Variants in AHI1 observed in about 807,000 individuals in gnomAD.
AHI1 encodes the protein Abelson helper integration site 1, also known as jouberin.
Under a neutral mutation model 149.3 loss-of-function variants are expected in AHI1, and 123 were observed. That is an observed-to-expected ratio of 0.82 (90% confidence interval 0.71 to 0.96). The LOEUF is 0.96. AHI1 is among the 40% of genes least tolerant of loss of function. The probability of loss-of-function intolerance (pLI) is 0.00; values close to 1 mark genes in which losing one functional copy is unlikely to be tolerated. For synonymous variants in AHI1, 475 were observed against 459.8 expected, an observed-to-expected ratio of 1.03 and a Z score of -0.42; for missense variants, 1,439 against 1,422.7, an observed-to-expected ratio of 1.01 and a Z score of -0.18.
chr6:135,285,675 TA>T, intron 28 of AHI1, 28 bp from the exon 29 acceptor site: 3 of 1,579,660 alleles, frequency 1.9e-6, no homozygotes, highest in Non-Finnish European at 2.6e-6. Flanking sequence ...CAAAATGTAC[TA>T]AATAAACTTG....
At chr6:135,469,676 T>C (rs1350195800) in intron 5 of AHI1, among the ~76,000 whole-genome samples, 1 of 152,012 alleles carries the variant, frequency 6.6e-6, no homozygotes, top group East Asian at 1.9e-4. Context: ...ACATCAACCA[T>C]CCTGTATTTG....
chr6:135,443,729 T>C (rs1786697750), intron 13 of AHI1, among the ~76,000 whole-genome samples: 1 of 152,130 alleles, frequency 6.6e-6, no homozygotes, highest in Admixed American at 6.5e-5. Context: ...ATGTGAAAAA[T>C]TCAAAAGAAT....
At chr6:135,315,865 C>A (rs567607761) in intron 26 of AHI1, among the ~76,000 whole-genome samples, 4 of 152,136 alleles carry the variant, frequency 2.6e-5, no homozygotes, top group Admixed American at 6.5e-5. Context: ...AGACTTCAAC[C>A]CTTTATTAAC....
Position 135,398,351 on chromosome 6 carries a change from G to T in AHI1, c.2989-3455C>A, listed in dbSNP as rs987360434. Among the ~76,000 whole-genome samples, 4 of 151,950 alleles carry T rather than the reference G, an allele frequency of 2.6e-5. No homozygotes were observed. In the East Asian group the frequency reaches 7.7e-4, roughly 29 times the overall value. On this transcript the variant is annotated intron_variant, in intron 22 of 28. Coordinates refer to ENST00000265602, the MANE Select transcript of AHI1 (RefSeq NM_001134831.2). The stretch of plus-strand genomic sequence containing the variant: ...TACAAGCCAGGACAGAGAAGTGAAG[G>T]ATTTGGAAGACAACACTGTAACTGT...
intron 23 of AHI1, 31 bp from the exon 24 acceptor site, chr6:135,358,218 T>C: frequency 6.4e-7 from 1 of 1,571,754 alleles, no homozygotes; most frequent in Non-Finnish European, 8.7e-7. Flanking sequence ...GAGTATTTGG[T>C]TATTAAGCCT....
At chr6:135,324,183 T>C (rs916894566) in intron 24 of AHI1, among the ~76,000 whole-genome samples, 4 of 152,058 alleles carry the variant, frequency 2.6e-5, no homozygotes, top group African/African-American at 4.8e-5. Context: ...AAAAAATTAG[T>C]TGGCTGTGGT....
At chr6:135,292,630 A>C (rs1562442981) in intron 27 of AHI1, among the ~76,000 whole-genome samples, 1 of 152,226 alleles carries the variant, frequency 6.6e-6, no homozygotes, top group Non-Finnish European at 1.5e-5. Flanking sequence ...GGCCCGGAAC[A>C]GTGTTTATTC....
intron 11 of AHI1, among the ~76,000 whole-genome samples, chr6:135,450,839 T>C (rs1337433123): frequency 6.6e-6 from 1 of 152,162 alleles, no homozygotes; most frequent in Non-Finnish European, 1.5e-5. Context: ...GCCACATATA[T>C]GTACTAAAAG....
chr6:135,315,863 AC>A (rs1410142078), intron 26 of AHI1, among the ~76,000 whole-genome samples: 1 of 152,086 alleles, frequency 6.6e-6, no homozygotes, highest in Non-Finnish European at 1.5e-5. Flanking sequence ...CTAGACTTCA[AC>A]CCTTTATTAA....
chr6:135,462,072 G>A (rs1345677037), intron 8 of AHI1, among the ~76,000 whole-genome samples: 1 of 151,700 alleles, frequency 6.6e-6, no homozygotes, highest in Non-Finnish European at 1.5e-5. Flanking sequence ...TATATATATA[G>A]AAACACATAA....
intron 24 of AHI1, among the ~76,000 whole-genome samples, chr6:135,327,049 G>T (rs145358909): frequency 6.6e-6 from 1 of 152,242 alleles, no homozygotes; most frequent in East Asian, 1.9e-4. Context: ...TTCCCATACA[G>T]GTTGCTGCAA....
chr6:135,366,095 T>C (rs759758622), intron 23 of AHI1, among the ~76,000 whole-genome samples: 6 of 152,276 alleles, frequency 3.9e-5, no homozygotes, highest in African/African-American at 7.2e-5. Flanking sequence ...GTTTAAGTTG[T>C]GTATCACACT....
intron 24 of AHI1, among the ~76,000 whole-genome samples, chr6:135,349,518 C>T (rs969898595): frequency 1.3e-5 from 2 of 152,142 alleles, no homozygotes; most frequent in African/African-American, 4.8e-5. Flanking sequence ...AGAGACTGGG[C>T]CCTATAGTGA....
At chr6:135,480,154 C>T (rs932884040) in intron 5 of AHI1, among the ~76,000 whole-genome samples, 2 of 152,154 alleles carry the variant, frequency 1.3e-5, no homozygotes, top group Non-Finnish European at 2.9e-5. Flanking sequence ...AATAATGCCA[C>T]TTCACATACA....
intron 13 of AHI1, among the ~76,000 whole-genome samples, chr6:135,445,598 G>A (rs183218779): frequency 1.3e-5 from 2 of 152,118 alleles, no homozygotes; most frequent in East Asian, 3.9e-4. Flanking sequence ...AAAGAGATGG[G>A]ATCTCATTCT....
intron 23 of AHI1, among the ~76,000 whole-genome samples, chr6:135,359,098 T>C (rs1793447479): frequency 6.6e-6 from 1 of 152,214 alleles, no homozygotes; most frequent in Non-Finnish European, 1.5e-5. Flanking sequence ...ATATGACTCA[T>C]TTTTCTTAAA....
At chr6:135,339,201 T>C (rs935245878) in intron 24 of AHI1, among the ~76,000 whole-genome samples, 1 of 152,106 alleles carries the variant, frequency 6.6e-6, no homozygotes, top group Admixed American at 6.6e-5. Context: ...CTGCCTTAGG[T>C]GGTGATATGA....
At chr6:135,491,539 T>C (rs148277535) in intron 4 of AHI1, among the ~76,000 whole-genome samples, 1 of 152,310 alleles carries the variant, frequency 6.6e-6, no homozygotes, top group Non-Finnish European at 1.5e-5. Context: ...TAGCAGGTTG[T>C]TCTCTTCCTT....
chr6:135,465,891 T>C lies in AHI1; in HGVS notation c.672A>G (p.Leu224=). Residue 224 remains leucine, a synonymous_variant, in exon 7 of 29, where the codon TTA becomes TTG. Coordinates refer to ENST00000265602, the MANE Select transcript of AHI1 (RefSeq NM_001134831.2). The part of the protein sequence containing the change: ...EQLTYFPSDT[L]FHDDKLSSEK... ...CACTGCTTAGTTTGTCATCATGGAA[T>C]AAAGTATCTGAGGGAAAGTAAGTCA... 6.4e-7 allele frequency: 1 copy of C among 1,568,250 alleles called. No homozygotes were observed. The highest frequency in any genetic ancestry group is 1.2e-5 in the South Asian group (1 of 80,936).
Sources: gnomAD v4.1 joint callset for allele counts (sites outside exome capture counted in the v4.1 genomes callset) on GRCh38, gnomAD v4.1.1 for gene constraint, MANE v1.5 for transcripts, NCBI Gene and HGNC (gene_info 2026-07-23, HGNC 2026-07-21) for gene names.